Variants in UIMC1 observed in about 807,000 individuals in gnomAD.
The protein encoded by UIMC1 is BRCA1-A complex subunit RAP80.
Under a neutral mutation model 84.9 loss-of-function variants are expected in UIMC1, and 42 were observed. The ratio of observed to expected loss-of-function variants is 0.49; its 90% CI spans 0.39 to 0.64. The LOEUF (loss-of-function observed/expected upper bound fraction) is 0.64, where lower values mean the gene tolerates loss of function less well. Ranked by LOEUF, UIMC1 falls within the 30% of genes least tolerant of loss-of-function variation. The pLI, the probability that UIMC1 is intolerant of heterozygous loss-of-function variation, is 0.00. For synonymous variants in UIMC1, 281 were observed against 293.0 expected (o/e 0.96, Z 0.42); for missense variants, 825 against 847.6 (o/e 0.97, Z 0.33).
Position 176,992,058 on chromosome 5 carries a change from G to GGCTGCATTGAGCCATGATGGCGCC in UIMC1, c.-8-9459_-8-9436dup, listed in dbSNP as rs578098450. On this transcript the variant is annotated intron_variant, in intron 1 of 14. Transcript: ENST00000511320. ...GATCACCTGAGCCTAGGGAGGTGGAGGCTGCATTGAGCCATGATGGCGCCA... is the reference window on the plus strand; with the variant it reads ...GATCACCTGAGCCTAGGGAGGTGGAGGCTGCATTGAGCCATGATGGCGCCGCTGCATTGAGCCATGATGGCGCCA... Among the ~76,000 whole-genome samples, 1,373 of 152,100 alleles carry GGCTGCATTGAGCCATGATGGCGCC rather than the reference G, an allele frequency of 9.0e-3. 8 individuals carry two copies. Among genetic ancestry groups the GGCTGCATTGAGCCATGATGGCGCC allele is most frequent in the South Asian group, 0.025 (121 of 4,822 alleles).
chr5:176,949,262 T>C (rs1199310801), intron 9 of UIMC1, among the ~76,000 whole-genome samples: 1 of 152,150 alleles, frequency 6.6e-6, no homozygotes, highest in African/African-American at 2.4e-5. Context: ...TCCACAGATA[T>C]CAGCAAACAG....
At chr5:177,013,094 G>C (rs1775587837) in intron 1 of UIMC1, among the ~76,000 whole-genome samples, 3 of 149,188 alleles carry the variant, frequency 2.0e-5, no homozygotes, top group African/African-American at 7.4e-5. Context: ...AAAAAAAAAA[G>C]GGCCAGGCAC....
At chr5:177,005,966 G>A (rs1263227531) in intron 1 of UIMC1, among the ~76,000 whole-genome samples, 2 of 152,160 alleles carry the variant, frequency 1.3e-5, no homozygotes, top group Non-Finnish European at 2.9e-5. Context: ...CTGCGGGGGC[G>A]AAATCGTCTA....
intron 11 of UIMC1, among the ~76,000 whole-genome samples, chr5:176,908,944 T>C (rs1348539168): frequency 2.0e-5 from 3 of 152,226 alleles, no homozygotes; most frequent in Admixed American, 2.0e-4. Flanking sequence ...GGGATGGTAA[T>C]GAAATCAGCT....
intron 10 of UIMC1, among the ~76,000 whole-genome samples, chr5:176,937,652 T>G (rs1403541249): frequency 6.6e-6 from 1 of 152,228 alleles, no homozygotes; most frequent in Non-Finnish European, 1.5e-5. Flanking sequence ...AGACATATAT[T>G]TAATGATATG....
intron 1 of UIMC1, among the ~76,000 whole-genome samples, chr5:176,998,055 A>G (rs1037108938): frequency 1.2e-4 from 19 of 152,146 alleles, no homozygotes; most frequent in African/African-American, 4.6e-4. Context: ...CACAGTTTTA[A>G]TTACACACTC....
Position 177,006,043 on chromosome 5 carries a change from G to A in UIMC1, c.-9+607C>T, listed in dbSNP as rs373174580. Reference sequence around the variant, plus strand: ...CGGGGCAAATAATTAGAGAAAACGAGGATCACACAACAAAACAGCAACCCG... The same window carrying A: ...CGGGGCAAATAATTAGAGAAAACGAAGATCACACAACAAAACAGCAACCCG... On this transcript the variant is annotated intron_variant, in intron 1 of 14. Coordinates refer to ENST00000511320, the MANE Select transcript of UIMC1 (RefSeq NM_001199298.2). Among the ~76,000 whole-genome samples, 12 of 152,290 alleles carry A rather than the reference G, an allele frequency of 7.9e-5. No homozygotes were observed. The East Asian group carries it at 2.1e-3, about 27-fold the overall frequency.
At chr5:176,908,292 G>A (rs537559790) in intron 12 of UIMC1, among the ~76,000 whole-genome samples, 1 of 152,268 alleles carries the variant, frequency 6.6e-6, no homozygotes, top group Non-Finnish European at 1.5e-5. Flanking sequence ...TATAGGTGAT[G>A]ATTTCCCCTG....
intron 10 of UIMC1, among the ~76,000 whole-genome samples, chr5:176,935,723 C>A (rs186761309): frequency 6.6e-6 from 1 of 152,272 alleles, no homozygotes; most frequent in Admixed American, 6.5e-5. Context: ...CCAACTTTGT[C>A]TAATTTAAGA....
Position 176,911,325 on chromosome 5 carries a change from A to G in UIMC1, c.1662T>C (p.Ser554=). ...TACCTACTTACTTGTCAATGTCTAG[A>G]GAAGTCTGGGCAGCTGTCCCACTGT... The part of the protein sequence containing the change: ...KSDSGTAAQT[S]LDIDKNEKCY... The change falls in exon 11 of 15, where the codon TCT becomes TCC. Residue 554 remains serine, a synonymous_variant. Transcript: ENST00000511320. 6.3e-7 allele frequency: 1 copy of G among 1,598,934 alleles called. No homozygotes were observed.
intron 10 of UIMC1, among the ~76,000 whole-genome samples, chr5:176,928,406 A>G (rs1474854810): frequency 6.6e-6 from 1 of 152,230 alleles, no homozygotes; most frequent in Admixed American, 6.5e-5. Context: ...CTATGGAGGG[A>G]ATAAAAAGGA....
chr5:176,919,701 G>A (rs1376336769), intron 10 of UIMC1, among the ~76,000 whole-genome samples: 3 of 152,172 alleles, frequency 2.0e-5, no homozygotes, highest in Admixed American at 6.5e-5. Context: ...TCATGGTTTT[G>A]CAAGTGGATA....
chr5:176,936,285 G>A (rs1049702535), intron 10 of UIMC1, among the ~76,000 whole-genome samples: 1 of 152,192 alleles, frequency 6.6e-6, no homozygotes, highest in African/African-American at 2.4e-5. Context: ...TTACAAATGA[G>A]GAACCTGATC....
intron 1 of UIMC1, among the ~76,000 whole-genome samples, chr5:176,990,730 T>C (rs764279231): frequency 3.3e-5 from 5 of 152,078 alleles, no homozygotes; most frequent in Non-Finnish European, 7.4e-5. Context: ...TTGAATGCAA[T>C]GTGTATGATC....
chr5:176,927,737 C>G (rs565476614), intron 10 of UIMC1, among the ~76,000 whole-genome samples: 1 of 151,578 alleles, frequency 6.6e-6, no homozygotes, highest in Non-Finnish European at 1.5e-5. Flanking sequence ...TTTGAAAAAC[C>G]AGTTCTCAGC....
rs999814295 is a variant in UIMC1, at chr5:176,951,383, A to G, written c.1443+91T>C. On this transcript the variant is annotated intron_variant, in intron 9 of 14. Coordinates refer to ENST00000511320, the MANE Select transcript of UIMC1 (RefSeq NM_001199298.2). ...CCAAAACTAAAACCCCCTGCCACCTAAATCTTTTCAGCCAATGTCAACGTT... is the reference window on the plus strand; with the variant it reads ...CCAAAACTAAAACCCCCTGCCACCTGAATCTTTTCAGCCAATGTCAACGTT... The G allele has an allele frequency of 4.0e-6, 4 of 1,006,822 alleles. No homozygotes were observed. The African/African-American group carries it at 6.8e-5, about 17-fold the overall frequency. The allele number at this position is 1,006,822 out of a possible 1,614,324, so 62.4% of individuals were successfully genotyped here.
upstream of UIMC1, among the ~76,000 whole-genome samples, chr5:177,007,845 C>T (rs1775429367): frequency 1.3e-5 from 2 of 152,120 alleles, no homozygotes; most frequent in Non-Finnish European, 2.9e-5. Context: ...TGGATCACGC[C>T]TGTAATCCCA....
intron 10 of UIMC1, among the ~76,000 whole-genome samples, chr5:176,919,510 C>T (rs897493892): frequency 1.3e-5 from 2 of 152,162 alleles, no homozygotes; most frequent in African/African-American, 4.8e-5. Flanking sequence ...GTTCCCCTGA[C>T]TCGCTGAGAC....
At chr5:176,987,421 G>GT (rs1249446302) in intron 1 of UIMC1, among the ~76,000 whole-genome samples, 1 of 151,672 alleles carries the variant, frequency 6.6e-6, no homozygotes, top group Non-Finnish European at 1.5e-5. Context: ...TGAGGCTGGT[G>GT]TATCACTCGA....
Sources: gnomAD v4.1 joint callset for allele counts (sites outside exome capture counted in the v4.1 genomes callset) on GRCh38, gnomAD v4.1.1 for gene constraint, MANE v1.5 for transcripts, NCBI Gene and HGNC (gene_info 2026-07-23, HGNC 2026-07-21) for gene names.